The following TMEM255A variants were observed in gnomAD, a reference collection of about 807,000 sequenced individuals.
TMEM255A encodes the protein transmembrane protein 255A, also known as family with sequence similarity 70, member A.
TMEM255A carries 14 observed loss-of-function variants against 23.5 expected under a neutral mutation model. That is an observed-to-expected ratio of 0.60 (90% CI 0.39 to 0.93). The LOEUF is 0.93. Ranked by LOEUF, TMEM255A falls within the 40% of genes least tolerant of loss-of-function variation. TMEM255A has a pLI of 0.00. For missense variants in TMEM255A, 233 were observed against 261.7 expected, an observed-to-expected ratio of 0.89 and a Z score of 0.76; for synonymous variants, 104 against 100.3, an observed-to-expected ratio of 1.04 and a Z score of -0.22.
intron 3 of TMEM255A, among the ~76,000 whole-genome samples, chrX:120,292,760 G>C (rs1181512457): frequency 9.9e-6 from 1 of 101,440 alleles, no homozygotes; most frequent in Non-Finnish European, 2.0e-5. Flanking sequence ...ACTCCATCTC[G>C]AAAAAAAAAA....
downstream of TMEM255A, chrX:120,254,354 G>A (rs17854233): frequency 8.3e-7 from 1 of 1,211,593 alleles, no homozygotes; most frequent in African/African-American, 1.7e-5. Flanking sequence ...TGCAGAATCA[G>A]CAGACACCAA....
chrX:120,280,960 G>T (rs1427560950), intron 6 of TMEM255A, among the ~76,000 whole-genome samples: 1 of 112,316 alleles, frequency 8.9e-6, no homozygotes, highest in African/African-American at 3.2e-5. Flanking sequence ...CCATTCATTA[G>T]CTTTTTCCTT....
At chrX:120,291,094 T>A (rs895375141) in intron 4 of TMEM255A, among the ~76,000 whole-genome samples, 157 bp downstream of exon 4, 1 of 111,626 alleles carries the variant, frequency 9.0e-6, no homozygotes, top group South Asian at 3.8e-4. Flanking sequence ...ATTGGTGTCT[T>A]CACCTTGACT....
At chrX:120,281,908 A>T (rs530080507) in intron 6 of TMEM255A, among the ~76,000 whole-genome samples, 158 of 111,354 alleles carry the variant, frequency 1.4e-3, no homozygotes, top group Middle Eastern at 4.6e-3. Context: ...TGGTATTAAA[A>T]CCTCAACACC....
At position 120,268,267 on chromosome X, in the gene TMEM255A, G is replaced by A; in HGVS notation, c.796C>T (p.Pro266Ser). 1.7e-6 allele frequency: 2 copies of A among 1,209,695 alleles called. No individual in the cohort carries two copies. The highest frequency in any genetic ancestry group is 1.1e-6 in the Non-Finnish European group (1 of 894,453). The change falls in exon 8 of 9, where the codon CCA becomes TCA. Residue 266 changes from proline to serine, a missense_variant. Physicochemically the swap from Pro to Ser is moderately conservative, Grantham distance 74 (BLOSUM62 -1). Coordinates refer to ENST00000371369, the MANE Select transcript of TMEM255A (RefSeq NM_001104544.3). The stretch of plus-strand genomic sequence containing the variant: ...ACCTGAAAGTCATAAGCAGAATATG[G>A]TGGCAGGTGAGGAGGGCTATGGTAG... ...TYYHSPPHLPPYSAYDFQHSG... is the reference protein window; with the variant it reads ...TYYHSPPHLPSYSAYDFQHSG...
At chrX:120,307,929 C>T (rs1439958838) in intron 1 of TMEM255A, among the ~76,000 whole-genome samples, 1 of 111,593 alleles carries the variant, frequency 9.0e-6, no homozygotes, top group Admixed American at 9.4e-5. Context: ...GACCAGGATG[C>T]TTAGCTCTAG....
intron 2 of TMEM255A, among the ~76,000 whole-genome samples, chrX:120,300,554 A>ATTTTTTTTTTT (rs368966488): frequency 1.3e-4 from 10 of 74,204 alleles, no homozygotes; most frequent in East Asian, 8.9e-4. Flanking sequence ...GGCCAGGCTA[A>ATTTTTTTTTTT]TTTTTTTTTT....
At position 120,300,914 on chromosome X, in the gene TMEM255A, G is replaced by A. The variant is rs781986433; in HGVS notation, c.201+3435C>T. On this transcript the variant is annotated intron_variant, in intron 2 of 8. Coordinates refer to ENST00000371369, the MANE Select transcript of TMEM255A (RefSeq NM_001104544.3). The stretch of plus-strand genomic sequence containing the variant: ...TATATATACTTTTTGTAGAGATGGC[G>A]TCTCACCACGTTGCCCAGGCTGGAC... 9.8e-4 allele frequency among the ~76,000 whole-genome samples: 107 copies of A among 109,039 alleles called. 2 individuals carry two copies. In the Admixed American group the frequency reaches 0.01, roughly 10 times the overall value. 94.7% of individuals were successfully genotyped at this position (109,039 alleles called of 115,157 possible).
At chrX:120,269,128 C>T (rs1207849387) in intron 7 of TMEM255A, among the ~76,000 whole-genome samples, 3 of 58,530 alleles carry the variant, frequency 5.1e-5, no homozygotes, top group South Asian at 4.5e-3. Context: ...GATCCCCCCA[C>T]CTTTTTTTTT....
At chrX:120,279,052 G>A (rs2057819379) in intron 6 of TMEM255A, among the ~76,000 whole-genome samples, 1 of 112,320 alleles carries the variant, frequency 8.9e-6, no homozygotes, top group South Asian at 3.7e-4. Flanking sequence ...TAGAATCTCT[G>A]GTGATGGGGT....
At chrX:120,311,187 C>G (rs978769092) in intron 1 of TMEM255A, 65 bp downstream of exon 1, 184 of 1,005,117 alleles carry the variant, frequency 1.8e-4, no homozygotes, top group Non-Finnish European at 2.4e-4. Context: ...GGGGCGTTCA[C>G]AGTCCAGAGG....
chrX:120,287,747 A>G (rs782412668), intron 4 of TMEM255A, among the ~76,000 whole-genome samples: 214 of 111,894 alleles, frequency 1.9e-3, no homozygotes, highest in Non-Finnish European at 3.5e-3. Flanking sequence ...GCAGCTCCTG[A>G]GGCTGCTGTA....
At chrX:120,275,783 C>CCTT in intron 7 of TMEM255A, among the ~76,000 whole-genome samples, 1 of 64,966 alleles carries the variant, frequency 1.5e-5, no homozygotes, top group Non-Finnish European at 2.8e-5. Flanking sequence ...GGAGCCCAAG[C>CCTT]ATTTTTTTTT....
At chrX:120,311,187 C>T (rs978769092) in intron 1 of TMEM255A, 65 bp downstream of exon 1, 14 of 1,005,110 alleles carry the variant, frequency 1.4e-5, no homozygotes, top group South Asian at 2.1e-5. Context: ...GGGGCGTTCA[C>T]AGTCCAGAGG....
At chrX:120,296,792 A>T (rs182259604) in intron 2 of TMEM255A, among the ~76,000 whole-genome samples, 6 of 4,269 alleles carry the variant, frequency 1.4e-3, no homozygotes, top group Admixed American at 3.8e-3. Context: ...ATCATATATA[A>T]TATATATGAT....
intron 7 of TMEM255A, among the ~76,000 whole-genome samples, chrX:120,274,960 C>T (rs919840793): frequency 9.0e-6 from 1 of 111,450 alleles, no homozygotes; most frequent in African/African-American, 3.3e-5. Context: ...AACACTCATC[C>T]TGAGGTCCCA....
At chrX:120,283,261 T>C (rs782217835) in intron 6 of TMEM255A, among the ~76,000 whole-genome samples, 1 of 111,081 alleles carries the variant, frequency 9.0e-6, no homozygotes, top group East Asian at 2.8e-4. Context: ...ACATAAATAA[T>C]TGAACTCCCC....
chrX:120,276,265 G>A (rs1287412345), intron 7 of TMEM255A, among the ~76,000 whole-genome samples: 5 of 111,602 alleles, frequency 4.5e-5, no homozygotes, highest in African/African-American at 1.7e-4. Flanking sequence ...GAGTCCTGCT[G>A]TGCCTTTGCA....
At chrX:120,255,876 G>C (rs1459679555), downstream of TMEM255A, 1 of 127,761 alleles carries the variant, frequency 7.8e-6, no homozygotes, top group African/African-American at 3.2e-5. Context: ...ATGGCATAAA[G>C]AGTAAATAAG....
Sources: gnomAD v4.1 joint callset for allele counts (sites outside exome capture counted in the v4.1 genomes callset) on GRCh38, gnomAD v4.1.1 for gene constraint, MANE v1.5 for transcripts, NCBI Gene and HGNC (gene_info 2026-07-23, HGNC 2026-07-21) for gene names.